THRA: variants seen among roughly 807,000 people sequenced by gnomAD.
The protein encoded by THRA is thyroid hormone receptor alpha.
In THRA, 13 loss-of-function variants were observed where a neutral mutation model predicts 45.0. The ratio of observed to expected loss-of-function variants is 0.29; its 90% CI spans 0.19 to 0.46. The LOEUF is 0.46. THRA is among the 20% of genes least tolerant of loss of function. THRA has a pLI of 1.00. For missense variants in THRA, 278 were observed against 556.1 expected (o/e 0.50, Z 5.03); for synonymous variants, 195 against 214.0 (o/e 0.91, Z 0.78).
intron 3 of THRA, among the ~76,000 whole-genome samples, 171 bp downstream of exon 3, chr17:40,077,109 C>T (rs931027678): frequency 6.6e-6 from 1 of 152,050 alleles, no homozygotes; most frequent in African/African-American, 2.4e-5. Flanking sequence ...TGGGATGTGC[C>T]CAGCTTTTGA....
intron 1 of THRA, among the ~76,000 whole-genome samples, chr17:40,070,894 C>G (rs1326156930): frequency 6.6e-6 from 1 of 150,490 alleles, no homozygotes; most frequent in African/African-American, 2.4e-5. Flanking sequence ...TTACCTTTCT[C>G]TCTTTGTCTC....
rs772418864 is a variant in THRA, at chr17:40,074,528, C to A, written c.40C>A (p.Pro14Thr). Residue 14 changes from proline to threonine, a missense_variant, in exon 2 of 9, where the codon CCA becomes ACA. Physicochemically the swap from Pro to Thr is conservative, Grantham distance 38. This residue lies in a region of THRA where 34 missense variants were observed against 39.7 expected (regional missense o/e 0.86). Transcript: ENST00000450525. ...KPSKVECGSD[P>T]EENSARSPDG... The stretch of plus-strand genomic sequence containing the variant: ...AAGCAAGGTGGAGTGTGGGTCAGAC[C>A]CAGAGGAGAACAGGTAATGGGTTCA... 3.7e-6 allele frequency: 6 copies of A among 1,613,946 alleles called. No homozygotes were observed. In the South Asian group the frequency reaches 6.6e-5, roughly 18 times the overall value.
intron 7 of THRA, chr17:40,087,085 T>G: frequency 2.0e-6 from 1 of 511,056 alleles, no homozygotes. Flanking sequence ...AGCATACAGA[T>G]ACGTACACAG....
intron 3 of THRA, 46 bp downstream of exon 3, chr17:40,076,984 C>G (rs1567651014): frequency 4.4e-6 from 7 of 1,590,494 alleles, no homozygotes; most frequent in Non-Finnish European, 4.3e-6. Context: ...CCAACCCCAC[C>G]AAACCCAGCC....
rs370282835 is a variant in THRA at position 40,074,977 on chromosome 17, A to T, written c.53+436A>T. ...ACGTAATACATTTCAGGGCACATGC[A>T]CCAGTAACTATTGGTCATAGCCCAA... On this transcript the variant is annotated intron_variant, in intron 2 of 8. Transcript: ENST00000450525. 2.6e-5 allele frequency among the ~76,000 whole-genome samples: 4 copies of T among 152,350 alleles called. No individual in the cohort carries two copies. The East Asian group carries it at 5.8e-4, about 22-fold the overall frequency.
chr17:40,086,761 G>GA lies in THRA; in HGVS notation c.632dup (p.Asp211GlufsTer60). On this transcript the variant is annotated frameshift_variant, in exon 7 of 9. Coordinates refer to ENST00000450525, the MANE Select transcript of THRA (RefSeq NM_199334.5). LOFTEE classifies it high-confidence loss of function. ...CTCCATGCCGGACGGAGACAAGGTG[G>GA]ACCTGGAAGCCTTCAGCGAGTTTAC... 2 of 1,614,156 alleles carry GA rather than the reference G, an allele frequency of 1.2e-6. No homozygotes were observed. The highest frequency in any genetic ancestry group is 1.7e-6 in the Non-Finnish European group (2 of 1,180,026).
intron 1 of THRA, among the ~76,000 whole-genome samples, chr17:40,064,879 A>G (rs1293416995): frequency 6.6e-6 from 1 of 152,204 alleles, no homozygotes; most frequent in African/African-American, 2.4e-5. Context: ...CCAGGTCCCC[A>G]CAGTTGCAGG....
chr17:40,076,310 G>T (rs1377837241), intron 2 of THRA, among the ~76,000 whole-genome samples: 2 of 152,232 alleles, frequency 1.3e-5, no homozygotes, highest in Non-Finnish European at 2.9e-5. Context: ...CTGGAGGGAT[G>T]AGGGTGGTTT....
intron 4 of THRA, among the ~76,000 whole-genome samples, chr17:40,083,620 C>A (rs1257025078): frequency 6.6e-6 from 1 of 152,212 alleles, no homozygotes; most frequent in African/African-American, 2.4e-5. Context: ...TACCCAGACA[C>A]CCCCAACCCC....
chr17:40,086,763 C>T lies in THRA; in HGVS notation c.633C>T (p.Asp211=). 1 of 1,614,140 alleles carries T rather than the reference C, an allele frequency of 6.2e-7. No individual in the cohort carries two copies. Among genetic ancestry groups the T allele is most frequent in the Non-Finnish European group, 8.5e-7 (1 of 1,180,016 alleles). ...CCATGCCGGACGGAGACAAGGTGGACCTGGAAGCCTTCAGCGAGTTTACCA... is the reference window on the plus strand; with the variant it reads ...CCATGCCGGACGGAGACAAGGTGGATCTGGAAGCCTTCAGCGAGTTTACCA... The part of the protein sequence containing the change: ...IVSMPDGDKV[D]LEAFSEFTKI... The change falls in exon 7 of 9, where the codon GAC becomes GAT. Residue 211 remains aspartate, a synonymous_variant. Transcript: ENST00000450525.
chr17:40,079,275 C>CT (rs1171641727), intron 4 of THRA, among the ~76,000 whole-genome samples: 1 of 151,914 alleles, frequency 6.6e-6, no homozygotes, highest in Non-Finnish European at 1.5e-5. Context: ...GAGATGGAGT[C>CT]TCGCTCTGTT....
rs1206463716 is a variant in THRA, at chr17:40,090,122, C to G, written c.*666C>G. ...AGGCTGACCAGAGGGGAGGACCCCC[C>G]CTTTACCACCCCATGCACTTTGCGA... On this transcript the variant is annotated 3_prime_UTR_variant, in exon 9 of 9. Coordinates refer to ENST00000450525, the MANE Select transcript of THRA (RefSeq NM_199334.5). The G allele has an allele frequency of 6.8e-6, 5 of 737,578 alleles. No homozygotes were observed. Among genetic ancestry groups the G allele is most frequent in the Non-Finnish European group, 8.3e-6 (5 of 603,838 alleles). 45.7% of individuals were successfully genotyped at this position (737,578 alleles called of 1,614,324 possible).
rs549596126 is a variant in THRA, at chr17:40,089,202, A to G, written c.983-4A>G. The G allele has an allele frequency of 3.1e-6, 5 of 1,608,542 alleles. No homozygotes were observed. Among genetic ancestry groups the G allele is most frequent in the Non-Finnish European group, 4.2e-6 (5 of 1,178,532 alleles). On this transcript the variant is annotated splice_region_variant and splice_polypyrimidine_tract_variant and intron_variant, in intron 8 of 8. Coordinates refer to ENST00000450525, the MANE Select transcript of THRA (RefSeq NM_199334.5). The surrounding 1 kb of genome is among the most constrained non-coding windows in gnomAD (Gnocchi z 6.1). ...TCGCCCCTCACGCCCCTCTTCCCTC[A>G]CAGACCGCTCGGGCCTGCTGTGTGT...
intron 1 of THRA, among the ~76,000 whole-genome samples, chr17:40,073,696 C>T (rs191571186): frequency 6.6e-6 from 1 of 152,152 alleles, no homozygotes; most frequent in Non-Finnish European, 1.5e-5. Flanking sequence ...TTCAACATCT[C>T]TCTCTATTAA....
chr17:40,092,873 T>C lies in THRA; in HGVS notation c.*3417T>C. 8.4e-7 allele frequency: 1 copy of C among 1,186,126 alleles called. No individual in the cohort carries two copies. The highest frequency in any genetic ancestry group is 1.6e-5 in the African/African-American group (1 of 64,364). The allele number at this position is 1,186,126 out of a possible 1,614,324, so 73.5% of individuals were successfully genotyped here. Reference sequence around the variant, plus strand: ...GAGGGTTGTGGGGGAGACAGAGTGGTTTAAATAGGGGAGGAGGGGAAGTTC... The same window carrying C: ...GAGGGTTGTGGGGGAGACAGAGTGGCTTAAATAGGGGAGGAGGGGAAGTTC... On this transcript the variant is annotated 3_prime_UTR_variant, in exon 9 of 9. Transcript: ENST00000450525.
chr17:40,085,121 A>G (rs1567654287), intron 6 of THRA, among the ~76,000 whole-genome samples: 1 of 152,092 alleles, frequency 6.6e-6, no homozygotes, highest in East Asian at 1.9e-4. Flanking sequence ...GGGTAAGGAT[A>G]CAGTTATGTC....
At chr17:40,067,014 C>T (rs543958063) in intron 1 of THRA, among the ~76,000 whole-genome samples, 4 of 152,316 alleles carry the variant, frequency 2.6e-5, no homozygotes, top group Non-Finnish European at 5.9e-5. Context: ...TCCCAGATTT[C>T]TTAGAGAAGC....
Position 40,091,117 on chromosome 17 carries a change from G to T in THRA, c.*1661G>T, listed in dbSNP as rs1472879034. ...CCGGAAGCCATGGGGATTGGGGCAG[G>T]GGGTGGGGGGAGGGGTGCCAGGGCT... On this transcript the variant is annotated 3_prime_UTR_variant, in exon 9 of 9. Transcript: ENST00000450525. The T allele has an allele frequency of 6.6e-6, 1 of 152,552 alleles. No homozygotes were observed. The highest frequency in any genetic ancestry group is 2.4e-5 in the African/African-American group (1 of 41,468). The allele number at this position is 152,552 out of a possible 1,614,324, so 9.4% of individuals were successfully genotyped here.
chr17:40,075,977 C>T (rs929391579), intron 2 of THRA, among the ~76,000 whole-genome samples: 6 of 152,206 alleles, frequency 3.9e-5, no homozygotes, highest in Non-Finnish European at 8.8e-5. Flanking sequence ...CTGCAACATG[C>T]CACACGCAGG....
Sources: gnomAD v4.1 joint callset for allele counts (sites outside exome capture counted in the v4.1 genomes callset) on GRCh38, gnomAD v4.1.1 for gene constraint, gnomAD v4.1.1 regional missense constraint, Gnocchi (gnomAD v3.1) non-coding constraint, MANE v1.5 for transcripts, NCBI Gene and HGNC (gene_info 2026-07-23, HGNC 2026-07-21) for gene names.